The following GHR variants were observed in gnomAD, a reference collection of about 807,000 sequenced individuals.
GHR encodes the protein growth hormone receptor.
In GHR, 35 loss-of-function variants were observed where a neutral mutation model predicts 67.1. That is an observed-to-expected ratio of 0.52 (90% CI 0.40 to 0.69). GHR has a LOEUF of 0.69. GHR is among the 30% of genes least tolerant of loss of function. The pLI is 0.00. For synonymous variants in GHR, 272 were observed against 269.1 expected, an observed-to-expected ratio of 1.01 and a Z score of -0.10; for missense variants, 792 against 764.6, an observed-to-expected ratio of 1.04 and a Z score of -0.42.
rs367852916 is a variant in GHR, at chr5:42,699,851, A to G, written c.467A>G (p.Asn156Ser). 3.7e-6 allele frequency: 6 copies of G among 1,611,662 alleles called. No individual in the cohort carries two copies. Among genetic ancestry groups the G allele is most frequent in the South Asian group, 2.2e-5 (2 of 91,024 alleles). ...CAACCAGATCCACCCATTGCCCTCA[A>G]CTGGACTTTACTGAACGTCAGTTTA... ...IVQPDPPIAL[N>S]WTLLNVSLTG... is the part of the protein sequence containing the mutation. The change falls in exon 6 of 10, where the codon AAC becomes AGC. Residue 156 changes from asparagine to serine, a missense_variant. Transcript: ENST00000230882.
At chr5:42,715,289 A>G (rs1260002717) in intron 8 of GHR, among the ~76,000 whole-genome samples, 3 of 152,238 alleles carry the variant, frequency 2.0e-5, no homozygotes, top group Admixed American at 1.3e-4. Flanking sequence ...AGTAGCAAAT[A>G]TTTGTCAGCA....
At chr5:42,656,482 C>A (rs763190936) in intron 3 of GHR, among the ~76,000 whole-genome samples, 14 of 152,104 alleles carry the variant, frequency 9.2e-5, no homozygotes, top group Non-Finnish European at 1.9e-4. Context: ...TCGTATCTTG[C>A]AACATCACCT....
At chr5:42,470,902 T>A (rs1744984499) in intron 1 of GHR, among the ~76,000 whole-genome samples, 1 of 152,190 alleles carries the variant, frequency 6.6e-6, no homozygotes, top group South Asian at 2.1e-4. Flanking sequence ...TATTACTCCA[T>A]GTCCTTGAGG....
chr5:42,474,138 AAGATT>A (rs766174550), intron 1 of GHR, among the ~76,000 whole-genome samples: 21 of 150,872 alleles, frequency 1.4e-4, no homozygotes, highest in South Asian at 8.4e-4. Context: ...GTAGTGAGCC[AAGATT>A]GTGCCACAGC....
At chr5:42,480,470 T>A (rs1335083426) in intron 1 of GHR, among the ~76,000 whole-genome samples, 1 of 152,338 alleles carries the variant, frequency 6.6e-6, no homozygotes, top group East Asian at 1.9e-4. Flanking sequence ...TTGATCTGTC[T>A]AATGTTGACA....
chr5:42,496,444 C>T (rs1474747025), intron 1 of GHR, among the ~76,000 whole-genome samples: 1 of 151,950 alleles, frequency 6.6e-6, no homozygotes, highest in Non-Finnish European at 1.5e-5. Flanking sequence ...CTGGATATAG[C>T]ATGTGCATCT....
At chr5:42,467,391 C>T in intron 1 of GHR, 1 of 943,868 alleles carries the variant, frequency 1.1e-6, no homozygotes, top group South Asian at 1.4e-5. Flanking sequence ...CAGAGGGCTT[C>T]TCCCCAGTGT....
intron 3 of GHR, among the ~76,000 whole-genome samples, chr5:42,654,506 T>C (rs929570953): frequency 6.6e-6 from 1 of 152,118 alleles, no homozygotes; most frequent in Non-Finnish European, 1.5e-5. Flanking sequence ...CCAAATCTTA[T>C]AACATGAATA....
intron 3 of GHR, among the ~76,000 whole-genome samples, chr5:42,637,421 T>C (rs778088094): frequency 1.3e-5 from 2 of 152,130 alleles, no homozygotes; most frequent in Non-Finnish European, 2.9e-5. Flanking sequence ...TTGAGCATAT[T>C]ACTTGATGTT....
At chr5:42,605,086 G>A (rs1752561148) in intron 2 of GHR, among the ~76,000 whole-genome samples, 1 of 140,066 alleles carries the variant, frequency 7.1e-6, no homozygotes, top group South Asian at 2.2e-4. Flanking sequence ...GATTTGTGGT[G>A]CCTCTTTTTT....
intron 2 of GHR, among the ~76,000 whole-genome samples, chr5:42,618,814 G>A (rs1197772558): frequency 6.6e-6 from 1 of 152,026 alleles, no homozygotes; most frequent in Admixed American, 6.6e-5. Context: ...AAGGATAATG[G>A]TGTAAGGTAG....
chr5:42,540,693 A>G (rs1415909652), intron 1 of GHR, among the ~76,000 whole-genome samples: 2 of 126,738 alleles, frequency 1.6e-5, no homozygotes, highest in African/African-American at 6.1e-5. Context: ...CCCTCTATCC[A>G]CCACCGCCCC....
At chr5:42,572,594 A>C (rs1215196073) in intron 2 of GHR, among the ~76,000 whole-genome samples, 1 of 152,182 alleles carries the variant, frequency 6.6e-6, no homozygotes, top group Non-Finnish European at 1.5e-5. Context: ...GGCTTAGAGC[A>C]CTTCTTCAGC....
At chr5:42,689,279 C>T (rs1443067450) in intron 4 of GHR, among the ~76,000 whole-genome samples, 5 of 152,010 alleles carry the variant, frequency 3.3e-5, no homozygotes, top group African/African-American at 1.2e-4. Flanking sequence ...TGCAGGGAGA[C>T]AGGCAATAAA....
chr5:42,500,514 C>G (rs1475069270), intron 1 of GHR, among the ~76,000 whole-genome samples: 4 of 152,190 alleles, frequency 2.6e-5, no homozygotes, highest in Non-Finnish European at 4.4e-5. Flanking sequence ...ACACTTAGCT[C>G]TACAGAGGGT....
Position 42,718,434 on chromosome 5 carries a change from TTTTC to T in GHR, c.946-13_946-10del. 1 of 1,571,554 alleles carries T rather than the reference TTTTC, an allele frequency of 6.4e-7. No individual in the cohort carries two copies. On this transcript the variant is annotated splice_polypyrimidine_tract_variant and intron_variant, in intron 9 of 9. Coordinates refer to ENST00000230882, the MANE Select transcript of GHR (RefSeq NM_000163.5). ...ATGAGTTTCTTTTCATAGATCTTCA[TTTTC>T]TTTCTATTTTCTAGGAAGGAAAATT...
intron 3 of GHR, among the ~76,000 whole-genome samples, chr5:42,645,721 G>A (rs1754696076): frequency 6.6e-6 from 1 of 152,204 alleles, no homozygotes; most frequent in Non-Finnish European, 1.5e-5. Context: ...CTTGGAGGCT[G>A]ACAGCATTAC....
In GHR at chr5:42,719,020, C is replaced by G; in HGVS notation, c.1513C>G (p.Gln505Glu). ...PAGSVVLSPG[Q>E]KNKAGMSQCD... ...AGGTAGTGTGGTCCTTTCCCCGGGC[C>G]AAAAGAATAAGGCAGGGATGTCCCA... Residue 505 changes from glutamine to glutamate, a missense_variant, in exon 10 of 10, where the codon CAA becomes GAA. By Grantham distance (29) the Gln-to-Glu change is conservative. Coordinates refer to ENST00000230882, the MANE Select transcript of GHR (RefSeq NM_000163.5). 6.2e-7 allele frequency: 1 copy of G among 1,606,442 alleles called. No individual in the cohort carries two copies. Among genetic ancestry groups the G allele is most frequent in the Admixed American group, 1.7e-5 (1 of 59,638 alleles).
intron 2 of GHR, among the ~76,000 whole-genome samples, chr5:42,579,080 TA>T (rs1295293763): frequency 1.7e-5 from 1 of 58,414 alleles, no homozygotes; most frequent in Admixed American, 1.8e-4. Flanking sequence ...ACACTATAGA[TA>T]GATAGATAGA....
Sources: allele counts gnomAD v4.1 joint callset (sites outside exome capture counted in the v4.1 genomes callset), GRCh38; gene constraint gnomAD v4.1.1; transcripts MANE v1.5; gene names NCBI Gene and HGNC (gene_info 2026-07-23, HGNC 2026-07-21).